The following MYZAP variants were observed in gnomAD, a reference collection of about 807,000 sequenced individuals.
The protein encoded by MYZAP is GRINL1A complex locus upstream.
A neutral mutation model predicts 69.4 loss-of-function variants in MYZAP; 66 were observed. That is an observed-to-expected ratio of 0.95 (90% CI 0.78 to 1.17). The LOEUF (loss-of-function observed/expected upper bound fraction) is 1.17. Ranked by LOEUF, MYZAP falls within the 50% of genes most tolerant of loss-of-function variation. The pLI is 0.00. For synonymous variants in MYZAP, 256 were observed against 205.9 expected (o/e 1.24, Z -2.09); for missense variants, 611 against 556.2 (o/e 1.10, Z -0.99).
intron 1 of MYZAP, among the ~76,000 whole-genome samples, chr15:57,595,202 A>G (rs1334650834): frequency 1.3e-5 from 2 of 152,204 alleles, no homozygotes; most frequent in African/African-American, 4.8e-5. Flanking sequence ...GGAAAAAAAA[A>G]CCAACAGGTG....
At chr15:57,605,867 C>T (rs2034710336) in intron 2 of MYZAP, among the ~76,000 whole-genome samples, 2 of 151,854 alleles carry the variant, frequency 1.3e-5, no homozygotes, top group South Asian at 4.2e-4. Flanking sequence ...CTTTCACTGG[C>T]CAAAATGGGA....
intron 8 of MYZAP, among the ~76,000 whole-genome samples, chr15:57,637,152 A>G (rs1358591000): frequency 6.6e-6 from 1 of 152,204 alleles, no homozygotes; most frequent in Non-Finnish European, 1.5e-5. Flanking sequence ...TAAGATCTTT[A>G]ACTTAATCAC....
intron 12 of MYZAP, among the ~76,000 whole-genome samples, chr15:57,675,623 C>T (rs139584369): frequency 5.5e-4 from 84 of 152,230 alleles, no homozygotes; most frequent in Middle Eastern, 6.8e-3. Flanking sequence ...CTTGAGTCAT[C>T]GGCAGATATG....
intron 9 of MYZAP, among the ~76,000 whole-genome samples, chr15:57,638,724 T>C (rs1025842903): frequency 1.3e-5 from 2 of 152,170 alleles, no homozygotes; most frequent in Non-Finnish European, 2.9e-5. Context: ...TCTGTTTGGA[T>C]GTAGAGAAGG....
At chr15:57,612,632 C>A (rs1316479340) in intron 2 of MYZAP, among the ~76,000 whole-genome samples, 5 of 152,154 alleles carry the variant, frequency 3.3e-5, no homozygotes, top group Admixed American at 6.5e-5. Flanking sequence ...AAGATTTGGA[C>A]AATATCATTG....
chr15:57,683,351 G>T (rs1216313050), intron 12 of MYZAP, among the ~76,000 whole-genome samples: 1 of 152,208 alleles, frequency 6.6e-6, no homozygotes, highest in African/African-American at 2.4e-5. Context: ...GGGCCACAGA[G>T]TAGGGTGGAG....
chr15:57,653,600 T>G (rs1364723894), intron 10 of MYZAP, among the ~76,000 whole-genome samples: 1 of 152,192 alleles, frequency 6.6e-6, no homozygotes, highest in African/African-American at 2.4e-5. Flanking sequence ...TTTAAAGAGT[T>G]TATTTGAGCA....
rs1164955245 is a variant in MYZAP, at chr15:57,625,827, T to C, written c.460T>C (p.Ser154Pro). Residue 154 changes from serine (S) to proline (P), a missense_variant, in exon 5 of 13, where the codon TCG becomes CCG. Coordinates refer to ENST00000267853, the MANE Select transcript of MYZAP (RefSeq NM_001018100.5). ...TCTGGAGAATCACATCCAAACCCAG[T>C]CGTCTGCCCTGGATCGTTTTAATGC... ...EYLENHIQTQ[S>P]SALDRFNAMN... The C allele has an allele frequency of 6.2e-7, 1 of 1,614,188 alleles. No individual in the cohort carries two copies. Among genetic ancestry groups the C allele is most frequent in the African/African-American group, 1.3e-5 (1 of 75,042 alleles).
intron 1 of MYZAP, among the ~76,000 whole-genome samples, chr15:57,598,411 G>T (rs1302552456): frequency 6.6e-6 from 1 of 152,148 alleles, no homozygotes; most frequent in Non-Finnish European, 1.5e-5. Flanking sequence ...CTTTGTTTTA[G>T]TTCAACCTAG....
chr15:57,646,676 A>T, intron 10 of MYZAP: 1 of 990,040 alleles, frequency 1.0e-6, no homozygotes, highest in Non-Finnish European at 1.2e-6. Context: ...CCAGGTATCC[A>T]TGTGGTTTGG....
intron 10 of MYZAP, among the ~76,000 whole-genome samples, chr15:57,641,672 G>C (rs1207190327): frequency 1.3e-5 from 2 of 152,160 alleles, no homozygotes; most frequent in African/African-American, 4.8e-5. Flanking sequence ...AAAAGAGAGA[G>C]AGACACTTTT....
intron 7 of MYZAP, 112 bp from the exon 8 acceptor site, chr15:57,633,501 A>C: frequency 7.3e-7 from 1 of 1,377,544 alleles, no homozygotes; most frequent in Non-Finnish European, 9.5e-7. Context: ...TCAGGTTCCA[A>C]GGTCATGTTT....
At chr15:57,638,530 A>G (rs1424515413) in intron 9 of MYZAP, among the ~76,000 whole-genome samples, 9 of 152,190 alleles carry the variant, frequency 5.9e-5, no homozygotes, top group African/African-American at 1.4e-4. Flanking sequence ...TCAAAGTTAC[A>G]GGAGGCTTGC....
At chr15:57,592,534 C>A (rs531523462) in intron 1 of MYZAP, among the ~76,000 whole-genome samples, 1 of 152,086 alleles carries the variant, frequency 6.6e-6, no homozygotes, top group African/African-American at 2.4e-5. Flanking sequence ...GATAGGGTAT[C>A]CACTAGTGAT....
chr15:57,638,635 TG>T lies in MYZAP; in HGVS notation c.1014-804del, dbSNP rs1397323398. 9.2e-5 allele frequency among the ~76,000 whole-genome samples: 14 copies of T among 152,260 alleles called. No individual in the cohort carries two copies. The South Asian group carries it at 2.7e-3, about 29-fold the overall frequency. Reference sequence around the variant, plus strand: ...CCCAGCCCCAGCGGCCCCAGAGAACTGAAGAGTCCAAGCAATGTTGGAGAAT... The same window carrying T: ...CCCAGCCCCAGCGGCCCCAGAGAACTAAGAGTCCAAGCAATGTTGGAGAAT... On this transcript the variant is annotated intron_variant, in intron 9 of 12. Coordinates refer to ENST00000267853, the MANE Select transcript of MYZAP (RefSeq NM_001018100.5).
intron 1 of MYZAP, among the ~76,000 whole-genome samples, chr15:57,598,494 A>G (rs75307470): frequency 1.3e-5 from 2 of 152,192 alleles, no homozygotes; most frequent in African/African-American, 4.8e-5. Context: ...CGTAGGGGCT[A>G]TATTAAGTGG....
chr15:57,627,096 C>A (rs1377560957), intron 5 of MYZAP, among the ~76,000 whole-genome samples: 3 of 152,182 alleles, frequency 2.0e-5, no homozygotes, highest in South Asian at 2.1e-4. Flanking sequence ...TTTATCTCAC[C>A]TGAGTTCAGA....
At chr15:57,604,955 G>A (rs1213714550) in intron 2 of MYZAP, among the ~76,000 whole-genome samples, 1 of 152,198 alleles carries the variant, frequency 6.6e-6, no homozygotes, top group African/African-American at 2.4e-5. Flanking sequence ...GATATTTCAG[G>A]TGTTAAGATC....
intron 4 of MYZAP, among the ~76,000 whole-genome samples, chr15:57,625,331 C>T (rs1380002001): frequency 1.3e-5 from 2 of 152,132 alleles, no homozygotes. Flanking sequence ...GCCTCGGCCT[C>T]CCACAGTGCT....
Sources: gnomAD v4.1 joint callset for allele counts (sites outside exome capture counted in the v4.1 genomes callset) on GRCh38, gnomAD v4.1.1 for gene constraint, MANE v1.5 for transcripts, NCBI Gene and HGNC (gene_info 2026-07-23, HGNC 2026-07-21) for gene names.